The following GPHN variants were observed in gnomAD, a reference collection of about 807,000 sequenced individuals.
GPHN encodes gephyrin.
A neutral mutation model predicts 95.5 loss-of-function variants in GPHN; 17 were observed. The observed-to-expected ratio is 0.18, with a 90% CI of 0.12 to 0.27. GPHN has a LOEUF of 0.27. GPHN is among the 10% of genes least tolerant of loss of function. GPHN has a pLI of 1.00. For synonymous variants in GPHN, 320 were observed against 322.5 expected (o/e 0.99, Z 0.08); for missense variants, 660 against 978.1 (o/e 0.67, Z 4.34).
the GPHN span, among the ~76,000 whole-genome samples, chr14:67,228,732 A>G: frequency 6.6e-6 from 1 of 152,118 alleles, no homozygotes; most frequent in African/African-American, 2.4e-5. Context: ...TCTTGGTTTC[A>G]CTTTTCTCAT....
chr14:66,970,087 T>G (rs80197858), intron 9 of GPHN, among the ~76,000 whole-genome samples: 7,002 of 137,356 alleles, frequency 0.051, 181 homozygotes, highest in Non-Finnish European at 0.066. Context: ...CAAGTTGTGT[T>G]TTTTTTTTTT....
rs187941230 is a variant in GPHN at position 66,577,213 on chromosome 14, T to C, written c.64+68622T>C. On this transcript the variant is annotated intron_variant, in intron 1 of 22. Coordinates refer to ENST00000478722, the MANE Select transcript of GPHN (RefSeq NM_020806.5). ...ACCACACTTAAAAGTGGCATGGGACTTGAAATAGTGTAGGTTATCACAAAA... is the reference window on the plus strand; with the variant it reads ...ACCACACTTAAAAGTGGCATGGGACCTGAAATAGTGTAGGTTATCACAAAA... Among the ~76,000 whole-genome samples the C allele has an allele frequency of 7.2e-5, 11 of 152,288 alleles. No individual in the cohort carries two copies. In the East Asian group the frequency reaches 2.1e-3, roughly 29 times the overall value.
At chr14:66,925,283 C>T (rs1227234670) in intron 8 of GPHN, among the ~76,000 whole-genome samples, 3 of 152,106 alleles carry the variant, frequency 2.0e-5, no homozygotes, top group African/African-American at 7.2e-5. Context: ...ACAGACATTC[C>T]AATTGTATTC....
intron 4 of GPHN, among the ~76,000 whole-genome samples, chr14:66,845,446 C>T (rs2062278736): frequency 6.6e-6 from 1 of 151,984 alleles, no homozygotes; most frequent in African/African-American, 2.4e-5. Flanking sequence ...GTTAAAATGA[C>T]ACAGATCTTG....
chr14:66,843,627 G>A (rs531014011), intron 4 of GPHN, among the ~76,000 whole-genome samples: 1 of 152,124 alleles, frequency 6.6e-6, no homozygotes, highest in Non-Finnish European at 1.5e-5. Context: ...CACTGGCATT[G>A]CTCCTCTGTT....
At chr14:67,209,306 AAG>A in the GPHN span, among the ~76,000 whole-genome samples, 117 of 152,118 alleles carry the variant, frequency 7.7e-4, no homozygotes, top group African/African-American at 2.8e-3. Flanking sequence ...TGAAAATAAA[AAG>A]AGAGAGAGAG....
intron 3 of GPHN, among the ~76,000 whole-genome samples, chr14:66,818,255 C>T (rs541766611): frequency 3.3e-5 from 5 of 152,206 alleles, no homozygotes; most frequent in Admixed American, 3.3e-4. Flanking sequence ...GCTTCTCTCC[C>T]TCCTCTCACC....
the GPHN span, among the ~76,000 whole-genome samples, chr14:67,610,176 T>A: frequency 6.6e-6 from 1 of 152,190 alleles, no homozygotes; most frequent in Admixed American, 6.5e-5. Context: ...GGATCCACAT[T>A]CCCTGAGAAA....
At chr14:66,554,030 T>C (rs1303314196) in intron 1 of GPHN, among the ~76,000 whole-genome samples, 1 of 152,244 alleles carries the variant, frequency 6.6e-6, no homozygotes, top group East Asian at 1.9e-4. Flanking sequence ...AAAATCCTCT[T>C]ATTTCATCTT....
At chr14:67,575,403 C>T in the GPHN span, 1 of 1,603,526 alleles carries the variant, frequency 6.2e-7, no homozygotes, top group East Asian at 2.2e-5. Flanking sequence ...TAAAGCATGG[C>T]CACTCCAAGG....
At chr14:67,694,493 T>C in the GPHN span, among the ~76,000 whole-genome samples, 31 of 148,924 alleles carry the variant, frequency 2.1e-4, no homozygotes, top group South Asian at 8.5e-4. Flanking sequence ...CACACACATA[T>C]ATATATATAT....
chr14:67,186,563 G>C (rs1567464803), downstream of GPHN, among the ~76,000 whole-genome samples: 1 of 152,182 alleles, frequency 6.6e-6, no homozygotes, highest in Non-Finnish European at 1.5e-5. Context: ...GAAGCTCAGA[G>C]GTCAGACCCG....
intron 9 of GPHN, among the ~76,000 whole-genome samples, chr14:67,006,254 C>T (rs1311036099): frequency 6.6e-6 from 1 of 152,002 alleles, no homozygotes; most frequent in African/African-American, 2.4e-5. Context: ...CTTTTTATAG[C>T]CATAGTTTTC....
At chr14:67,193,358 A>C in the GPHN span, among the ~76,000 whole-genome samples, 1 of 133,878 alleles carries the variant, frequency 7.5e-6, no homozygotes, top group Non-Finnish European at 1.7e-5. Flanking sequence ...ATATAGAGAT[A>C]TATAATCTAT....
At chr14:67,150,722 T>C (rs2081232395) in intron 18 of GPHN, among the ~76,000 whole-genome samples, 2 of 152,040 alleles carry the variant, frequency 1.3e-5, no homozygotes, top group African/African-American at 4.8e-5. Flanking sequence ...TTTTTTTCTT[T>C]GTTTATATGT....
intron 11 of GPHN, among the ~76,000 whole-genome samples, chr14:67,077,214 T>C (rs1949927452): frequency 6.6e-6 from 1 of 152,168 alleles, no homozygotes; most frequent in South Asian, 2.1e-4. Context: ...ACTTCAAATT[T>C]TGCATTTTGA....
Position 66,508,393 on chromosome 14 carries a change from C to A in GPHN, c.-135C>A. ...CCACCGTGCACTCTGTGGCCTCCCC[C>A]TCCTTCCCCGCTCTCCTCGCGCTTC... On this transcript the variant is annotated 5_prime_UTR_variant, in exon 1 of 23. Coordinates refer to ENST00000478722, the MANE Select transcript of GPHN (RefSeq NM_020806.5). 2 of 831,414 alleles carry A rather than the reference C, an allele frequency of 2.4e-6. No homozygotes were observed. The highest frequency in any genetic ancestry group is 2.7e-5 in the South Asian group (2 of 74,598). 51.5% of individuals were successfully genotyped at this position (831,414 alleles called of 1,614,324 possible). A position where few individuals can be genotyped will look rare whatever the true frequency, so the allele number is the denominator to read the frequency against.
At chr14:66,981,211 C>T (rs1237399268) in intron 9 of GPHN, among the ~76,000 whole-genome samples, 1 of 152,062 alleles carries the variant, frequency 6.6e-6, no homozygotes, top group African/African-American at 2.4e-5. Context: ...ATTGTATTTC[C>T]TTTCCTCCAG....
intron 1 of GPHN, among the ~76,000 whole-genome samples, chr14:66,521,228 G>A (rs893178180): frequency 1.3e-5 from 2 of 152,088 alleles, no homozygotes; most frequent in Non-Finnish European, 2.9e-5. Flanking sequence ...ACCCAGTAAT[G>A]GAATTGCTGG....
Sources: gnomAD v4.1 joint callset for allele counts (sites outside exome capture counted in the v4.1 genomes callset) on GRCh38, gnomAD v4.1.1 for gene constraint, MANE v1.5 for transcripts, NCBI Gene and HGNC (gene_info 2026-07-23, HGNC 2026-07-21) for gene names.